Variants in CNTN5 observed in about 807,000 individuals in gnomAD.
CNTN5 encodes contactin 5, also known as contactin-5.
CNTN5 carries 77 observed loss-of-function variants against 129.1 expected under a neutral mutation model. The ratio of observed to expected loss-of-function variants is 0.60; its 90% CI spans 0.50 to 0.72. The LOEUF is 0.72. Among genes scored for constraint, CNTN5 ranks in the 30% least tolerant of loss-of-function variants. The probability of loss-of-function intolerance (pLI) is 0.00; values close to 1 mark genes in which losing one functional copy is unlikely to be tolerated. For synonymous variants in CNTN5, 509 were observed against 465.6 expected (o/e 1.09, Z -1.20); for missense variants, 1,478 against 1,328.8 (o/e 1.11, Z -1.75).
intron 8 of CNTN5, among the ~76,000 whole-genome samples, chr11:99,958,305 T>G (rs1379326716): frequency 1.3e-5 from 2 of 152,220 alleles, no homozygotes; most frequent in African/African-American, 2.4e-5. Flanking sequence ...ATTTGATAAT[T>G]AATGAATTAC....
intron 14 of CNTN5, among the ~76,000 whole-genome samples, chr11:100,192,268 T>C (rs937361800): frequency 1.3e-5 from 2 of 152,018 alleles, no homozygotes; most frequent in Non-Finnish European, 2.9e-5. Context: ...ATTTTCTTAA[T>C]CATGAGTTTA....
Position 99,867,941 on chromosome 11 carries a change from G to A in CNTN5, c.577+22679G>A, listed in dbSNP as rs141056614. On this transcript the variant is annotated intron_variant, in intron 6 of 24. Coordinates refer to ENST00000524871, the MANE Select transcript of CNTN5 (RefSeq NM_014361.4). ...GTGTTCTACATAAAACTGGCCAAGC[G>A]CGGTGGCTCACACCTGTAATCCCAG... Among the ~76,000 whole-genome samples the A allele has an allele frequency of 1.1e-4, 17 of 152,218 alleles. No homozygotes were observed. The East Asian group carries it at 1.4e-3, about 12-fold the overall frequency.
intron 3 of CNTN5, among the ~76,000 whole-genome samples, chr11:99,636,252 T>G (rs974304896): frequency 3.9e-5 from 6 of 152,296 alleles, no homozygotes; most frequent in African/African-American, 1.4e-4. Flanking sequence ...TGGGGGAGAT[T>G]GGGTGGCCTA....
intron 3 of CNTN5, among the ~76,000 whole-genome samples, chr11:99,774,096 T>G (rs1192527225): frequency 6.6e-6 from 1 of 152,096 alleles, no homozygotes; most frequent in Non-Finnish European, 1.5e-5. Context: ...TGTTGCTTCT[T>G]CCTTGACATT....
chr11:100,355,525 A>T (rs1952502942), intron 24 of CNTN5, among the ~76,000 whole-genome samples: 1 of 151,816 alleles, frequency 6.6e-6, no homozygotes, highest in African/African-American at 2.4e-5. Context: ...TACCATTATC[A>T]ATTAAGTACT....
intron 3 of CNTN5, among the ~76,000 whole-genome samples, chr11:99,811,069 A>G (rs1264047461): frequency 6.6e-6 from 1 of 152,098 alleles, no homozygotes; most frequent in Non-Finnish European, 1.5e-5. Flanking sequence ...AAAAGTAGGG[A>G]ATACATGATT....
chr11:99,747,331 T>TA (rs1426456371), intron 3 of CNTN5, among the ~76,000 whole-genome samples: 1 of 152,164 alleles, frequency 6.6e-6, no homozygotes, highest in East Asian at 1.9e-4. Flanking sequence ...TGCAGTTTTC[T>TA]AAAAATAAGA....
rs557213861 is a variant in CNTN5, at chr11:100,018,039, C to T, written c.980+15903C>T. On this transcript the variant is annotated intron_variant, in intron 9 of 24. Coordinates refer to ENST00000524871, the MANE Select transcript of CNTN5 (RefSeq NM_014361.4). Reference sequence around the variant, plus strand: ...ATAACAAATATTCTAATACATTTTCCGTGACTTAAATGTGTAGAGAAAACA... The same window carrying T: ...ATAACAAATATTCTAATACATTTTCTGTGACTTAAATGTGTAGAGAAAACA... 2.6e-5 allele frequency among the ~76,000 whole-genome samples: 4 copies of T among 151,854 alleles called. 1 individual carries two copies. Among genetic ancestry groups the T allele is most frequent in the African/African-American group, 9.7e-5 (4 of 41,438 alleles).
At chr11:99,802,559 G>T (rs964865241) in intron 3 of CNTN5, among the ~76,000 whole-genome samples, 2 of 152,154 alleles carry the variant, frequency 1.3e-5, no homozygotes, top group Admixed American at 6.5e-5. Context: ...GGTTGGAGTC[G>T]GGGGTTGGAA....
intron 17 of CNTN5, among the ~76,000 whole-genome samples, chr11:100,256,997 G>A (rs1423566043): frequency 6.6e-6 from 1 of 152,068 alleles, no homozygotes; most frequent in East Asian, 1.9e-4. Context: ...AGAGCCAAGT[G>A]GTCTAGCTCA....
chr11:99,822,189 G>A (rs896408800), intron 4 of CNTN5, among the ~76,000 whole-genome samples: 4 of 152,108 alleles, frequency 2.6e-5, no homozygotes, highest in Non-Finnish European at 5.9e-5. Flanking sequence ...CCCAGACAGA[G>A]CAAAGATTTT....
intron 8 of CNTN5, among the ~76,000 whole-genome samples, chr11:99,976,158 G>A (rs1162690339): frequency 3.3e-5 from 5 of 152,208 alleles, no homozygotes; most frequent in African/African-American, 1.2e-4. Context: ...TTGACTCCAC[G>A]TCTCACATCC....
chr11:100,204,979 A>G (rs999197757), intron 15 of CNTN5, among the ~76,000 whole-genome samples: 1 of 151,928 alleles, frequency 6.6e-6, no homozygotes, highest in Non-Finnish European at 1.5e-5. Context: ...TATGAAAAAG[A>G]TTTTTCTTTT....
intron 9 of CNTN5, among the ~76,000 whole-genome samples, chr11:100,028,706 C>T (rs1591081471): frequency 6.6e-6 from 1 of 152,308 alleles, no homozygotes; most frequent in Non-Finnish European, 1.5e-5. Flanking sequence ...AGAAAATTCA[C>T]TCTTTGGCTT....
chr11:99,167,814 T>C (rs1860945646), intron 1 of CNTN5, among the ~76,000 whole-genome samples: 1 of 152,192 alleles, frequency 6.6e-6, no homozygotes, highest in African/African-American at 2.4e-5. Context: ...TATCATAATC[T>C]ATTTTGATAT....
intron 1 of CNTN5, among the ~76,000 whole-genome samples, chr11:99,176,717 A>G (rs545976118): frequency 2.1e-3 from 316 of 152,136 alleles, no homozygotes; most frequent in Middle Eastern, 6.8e-3. Context: ...CACCACTACA[A>G]CCCTTGGTTA....
chr11:99,314,180 A>T (rs543662831), intron 1 of CNTN5, among the ~76,000 whole-genome samples: 69 of 152,184 alleles, frequency 4.5e-4, no homozygotes, highest in African/African-American at 1.6e-3. Flanking sequence ...GGCATAACAT[A>T]ATATATAAAA....
At chr11:99,453,603 T>C (rs1944389022) in intron 2 of CNTN5, among the ~76,000 whole-genome samples, 1 of 152,152 alleles carries the variant, frequency 6.6e-6, no homozygotes, top group Non-Finnish European at 1.5e-5. Context: ...TTTTCAAAAT[T>C]TATGAGCGAT....
At chr11:99,640,899 T>C (rs1173427534) in intron 3 of CNTN5, among the ~76,000 whole-genome samples, 1 of 152,262 alleles carries the variant, frequency 6.6e-6, no homozygotes, top group Non-Finnish European at 1.5e-5. Flanking sequence ...AACACAACTC[T>C]TGTTCTCAAA....
Sources: allele counts gnomAD v4.1 joint callset (sites outside exome capture counted in the v4.1 genomes callset), GRCh38; gene constraint gnomAD v4.1.1; transcripts MANE v1.5; gene names NCBI Gene and HGNC (gene_info 2026-07-23, HGNC 2026-07-21).